Variants in AFF2 observed in about 807,000 individuals in gnomAD.
AFF2 encodes ALF transcription elongation factor 2.
Under a neutral mutation model 76.9 loss-of-function variants are expected in AFF2, and 14 were observed. That is an observed-to-expected ratio of 0.18 (90% CI 0.12 to 0.28). AFF2 has a LOEUF of 0.28. AFF2 is among the 10% of genes least tolerant of loss of function. The pLI is 1.00. For missense variants in AFF2, 868 were observed against 1,001.1 expected, an observed-to-expected ratio of 0.87 and a Z score of 1.79; for synonymous variants, 398 against 366.7, an observed-to-expected ratio of 1.09 and a Z score of -0.98.
chrX:148,927,272 T>A (rs185068958), intron 9 of AFF2, among the ~76,000 whole-genome samples: 1,881 of 112,113 alleles, frequency 0.017, 20 homozygotes, highest in Admixed American at 0.041. Flanking sequence ...AGGCAGAGAA[T>A]ATGTGTTGGC....
chrX:148,612,107 G>C (rs190401293), intron 1 of AFF2, among the ~76,000 whole-genome samples: 1 of 111,872 alleles, frequency 8.9e-6, no homozygotes, highest in African/African-American at 3.2e-5. Context: ...GTCTACCATA[G>C]AGAATTATGT....
intron 3 of AFF2, among the ~76,000 whole-genome samples, chrX:148,757,391 T>C (rs2069386742): frequency 9.0e-6 from 1 of 111,484 alleles, no homozygotes; most frequent in African/African-American, 3.3e-5. Context: ...TATGCCTATA[T>C]GTGTGTCTAT....
At chrX:148,620,934 A>G (rs1163667229) in intron 1 of AFF2, among the ~76,000 whole-genome samples, 1 of 112,140 alleles carries the variant, frequency 8.9e-6, no homozygotes, top group Non-Finnish European at 1.9e-5. Flanking sequence ...GAGTATCAAA[A>G]TAGAATCCTT....
Position 148,652,696 on chromosome X carries a change from G to T in AFF2, c.180+565G>T, listed in dbSNP as rs1420836857. Among the ~76,000 whole-genome samples the T allele has an allele frequency of 2.7e-5, 3 of 111,687 alleles. No homozygotes were observed. In the East Asian group the frequency reaches 8.5e-4, roughly 32 times the overall value. ...CAACCAGAGGGGGGTAGTATAGCTA[G>T]GTTGAATTTCTAGTGGTATTCTGAC... On this transcript the variant is annotated intron_variant, in intron 2 of 20. Coordinates refer to ENST00000370460, the MANE Select transcript of AFF2 (RefSeq NM_002025.4).
chrX:148,757,902 C>T (rs56207053), intron 3 of AFF2, among the ~76,000 whole-genome samples: 2 of 112,365 alleles, frequency 1.8e-5, no homozygotes, highest in Middle Eastern at 9.2e-3. Flanking sequence ...AAAGTTCGTT[C>T]TCATAACAAC....
intron 3 of AFF2, among the ~76,000 whole-genome samples, chrX:148,772,504 G>A (rs782031502): frequency 9.8e-6 from 1 of 102,284 alleles, no homozygotes; most frequent in African/African-American, 3.5e-5. Context: ...CATTTTCAAA[G>A]TTGTTTTTTT....
At chrX:148,739,436 AC>A (rs1217788142) in intron 3 of AFF2, among the ~76,000 whole-genome samples, 2 of 110,844 alleles carry the variant, frequency 1.8e-5, no homozygotes, top group African/African-American at 3.3e-5. Flanking sequence ...AAGTATAGCT[AC>A]CCCCTGCTTT....
intron 1 of AFF2, among the ~76,000 whole-genome samples, chrX:148,626,541 A>C (rs1427084875): frequency 9.1e-6 from 1 of 109,315 alleles, no homozygotes; most frequent in African/African-American, 3.5e-5. Context: ...TGTCTTTAAC[A>C]ATGGTTATAT....
intron 3 of AFF2, among the ~76,000 whole-genome samples, chrX:148,762,409 GTA>G (rs372864201): frequency 1.2e-5 from 1 of 86,663 alleles, no homozygotes; most frequent in African/African-American, 7.7e-5. Context: ...GTATTCTATG[GTA>G]TATATATATA....
chrX:148,838,365 C>G (rs1557274016), intron 5 of AFF2, among the ~76,000 whole-genome samples: 1 of 111,835 alleles, frequency 8.9e-6, no homozygotes, highest in African/African-American at 3.3e-5. Flanking sequence ...ATTCAGAAAT[C>G]ATTTACTGAG....
At chrX:148,796,593 G>C (rs782518748) in intron 3 of AFF2, among the ~76,000 whole-genome samples, 1 of 112,025 alleles carries the variant, frequency 8.9e-6, no homozygotes, top group African/African-American at 3.2e-5. Flanking sequence ...TGACTGTCTA[G>C]CGAAATGGAT....
At chrX:148,700,706 T>C (rs1198528420) in intron 3 of AFF2, among the ~76,000 whole-genome samples, 1 of 110,706 alleles carries the variant, frequency 9.0e-6, no homozygotes, top group Non-Finnish European at 1.9e-5. Flanking sequence ...AGAAAGAACA[T>C]CTGTAGACTC....
intron 4 of AFF2, among the ~76,000 whole-genome samples, chrX:148,811,915 T>G (rs1557271823): frequency 8.9e-6 from 1 of 111,808 alleles, no homozygotes; most frequent in Non-Finnish European, 1.9e-5. Flanking sequence ...AAAGTCCTTC[T>G]GTTATTCTTG....
intron 1 of AFF2, among the ~76,000 whole-genome samples, chrX:148,504,932 G>T (rs949203293): frequency 1.0e-5 from 1 of 96,292 alleles, no homozygotes; most frequent in Non-Finnish European, 2.1e-5. Flanking sequence ...TGTGGGAGAT[G>T]GGGGGAACAC....
At chrX:148,758,248 G>C (rs2069398157) in intron 3 of AFF2, among the ~76,000 whole-genome samples, 1 of 112,374 alleles carries the variant, frequency 8.9e-6, no homozygotes, top group Non-Finnish European at 1.9e-5. Context: ...TGGAAAATTT[G>C]AGAGAAGAAC....
chrX:148,724,757 T>C (rs564648935), intron 3 of AFF2, among the ~76,000 whole-genome samples: 22 of 112,452 alleles, frequency 2.0e-4, no homozygotes, highest in African/African-American at 6.8e-4. Flanking sequence ...GTCATATAGT[T>C]AGAGTAAGGT....
At chrX:148,750,518 A>T (rs1315285274) in intron 3 of AFF2, among the ~76,000 whole-genome samples, 1 of 110,893 alleles carries the variant, frequency 9.0e-6, no homozygotes, top group Non-Finnish European at 1.9e-5. Flanking sequence ...CAGTAATCAG[A>T]TGTAGTCATT....
At chrX:148,914,780 G>A (rs1557282358) in intron 9 of AFF2, among the ~76,000 whole-genome samples, 2 of 112,128 alleles carry the variant, frequency 1.8e-5, no homozygotes, top group Non-Finnish European at 1.9e-5. Context: ...AGTATTTTAG[G>A]CATGACACAA....
At chrX:148,652,163 C>A in intron 2 of AFF2, 32 bp downstream of exon 2, 8 of 1,112,058 alleles carry the variant, frequency 7.2e-6, no homozygotes, top group Non-Finnish European at 8.6e-6. Context: ...AAAATGGTTG[C>A]TTGTTACATT....
Sources: allele counts gnomAD v4.1 joint callset (sites outside exome capture counted in the v4.1 genomes callset), GRCh38; gene constraint gnomAD v4.1.1; transcripts MANE v1.5; gene names NCBI Gene and HGNC (gene_info 2026-07-23, HGNC 2026-07-21).